C5: variants seen among roughly 807,000 people sequenced by gnomAD.
The protein encoded by C5 is complement C5.
A neutral mutation model predicts 218.8 loss-of-function variants in C5; 140 were observed. That is an observed-to-expected ratio of 0.64 (90% CI 0.56 to 0.74). The LOEUF is 0.74. C5 is among the 30% of genes least tolerant of loss of function. C5 has a pLI of 0.00. For synonymous variants in C5, 614 were observed against 682.3 expected (o/e 0.90, Z 1.56); for missense variants, 1,700 against 1,969.6 (o/e 0.86, Z 2.59).
intron 19 of C5, 51 bp downstream of exon 19, chr9:121,006,853 C>T (rs2047219777): frequency 2.5e-6 from 3 of 1,198,494 alleles, no homozygotes; most frequent in Non-Finnish European, 3.7e-6. Context: ...AGAATTACAT[C>T]TTGCTAATCA....
At chr9:121,055,180 G>A (rs180774713), upstream of C5, among the ~76,000 whole-genome samples, 169 of 151,630 alleles carry the variant, frequency 1.1e-3, 7 homozygotes, top group Non-Finnish European at 4.1e-4. Context: ...CTTTTCTCCT[G>A]GAAATGTATA....
intron 40 of C5, 56 bp from the exon 41 acceptor site, chr9:120,952,924 A>G (rs1179907456): frequency 1.3e-6 from 2 of 1,595,168 alleles, no homozygotes; most frequent in Admixed American, 3.4e-5. Flanking sequence ...GCTGAATTTG[A>G]TTTCTTTATT....
chr9:120,957,322 G>A lies in C5; in HGVS notation c.4725C>T (p.Val1575=), dbSNP rs780091609. The change falls in exon 39 of 41, where the codon GTC becomes GTT. Residue 1575 remains valine (V), a synonymous_variant. Coordinates refer to ENST00000223642, the MANE Select transcript of C5 (RefSeq NM_001735.3). ...ITSITVENVF[V]KYKATLLDIY... is the part of the protein sequence containing the mutation. ...TATCCAGAAGGGTTGCCTTGTACTT[G>A]ACAAAAACATTTTCTACAGTGATGG... 1.9e-6 allele frequency: 3 copies of A among 1,612,952 alleles called. No individual in the cohort carries two copies. The highest frequency in any genetic ancestry group is 2.5e-6 in the Non-Finnish European group (3 of 1,179,270).
upstream of C5, among the ~76,000 whole-genome samples, chr9:121,054,818 C>A (rs1027702471): frequency 6.6e-6 from 1 of 151,916 alleles, no homozygotes; most frequent in Non-Finnish European, 1.5e-5. Context: ...TGCAACCAGG[C>A]CTTCCCTTTC....
At chr9:121,059,091 A>T in the C5 span, among the ~76,000 whole-genome samples, 7 of 152,218 alleles carry the variant, frequency 4.6e-5, no homozygotes, top group African/African-American at 1.7e-4. This position sits in a 1 kb window ranked among gnomAD's most constrained non-coding sequence, Gnocchi z 4.1. Context: ...TTGAAGATTG[A>T]ATGGTAACTG....
At chr9:121,024,337 G>A (rs1587986865) in intron 9 of C5, among the ~76,000 whole-genome samples, 1 of 15,886 alleles carries the variant, frequency 6.3e-5, no homozygotes, top group Non-Finnish European at 1.2e-4. Flanking sequence ...GGGAGGGGAG[G>A]GGGAGGGGAG....
chr9:120,980,584 A>T (rs987047945), intron 27 of C5, among the ~76,000 whole-genome samples: 2 of 151,976 alleles, frequency 1.3e-5, no homozygotes, highest in Non-Finnish European at 2.9e-5. Flanking sequence ...GCATAGACAC[A>T]ATTTCTTTTT....
chr9:121,065,589 G>A, the C5 span, among the ~76,000 whole-genome samples: 20 of 152,218 alleles, frequency 1.3e-4, no homozygotes, highest in African/African-American at 2.6e-4. Flanking sequence ...TCGCTCAAGC[G>A]ATTCTCCCAA....
intron 30 of C5, 129 bp downstream of exon 30, chr9:120,974,650 T>C: frequency 1.1e-6 from 1 of 901,788 alleles, no homozygotes; most frequent in Non-Finnish European, 1.8e-6. Context: ...GGCATCCCTG[T>C]TTAGGACATA....
chr9:120,954,438 G>A (rs1052116605), intron 39 of C5, among the ~76,000 whole-genome samples: 1 of 152,186 alleles, frequency 6.6e-6, no homozygotes, highest in Non-Finnish European at 1.5e-5. Flanking sequence ...CCCCTACCTG[G>A]AATGCATTCC....
chr9:121,025,687 G>T (rs1223297971), intron 8 of C5, 107 bp from the exon 9 acceptor site: 1 of 1,093,646 alleles, frequency 9.1e-7, no homozygotes, highest in East Asian at 2.4e-5. Context: ...AATGTCAGAA[G>T]AATGGTTTAG....
At chr9:120,985,356 A>G (rs192679372) in intron 25 of C5, among the ~76,000 whole-genome samples, 2 of 152,316 alleles carry the variant, frequency 1.3e-5, no homozygotes, top group Admixed American at 1.3e-4. Flanking sequence ...TTTAGAGTAG[A>G]AAAGAATTTT....
intron 4 of C5, among the ~76,000 whole-genome samples, chr9:121,036,920 T>C (rs886884899): frequency 6.6e-6 from 1 of 152,230 alleles, no homozygotes; most frequent in Middle Eastern, 3.4e-3. Flanking sequence ...CTGCAGCCTA[T>C]ATTGAAGGAC....
chr9:121,068,160 G>T, the C5 span, among the ~76,000 whole-genome samples: 3 of 151,980 alleles, frequency 2.0e-5, no homozygotes, highest in Non-Finnish European at 2.9e-5. Context: ...AGAAATAAAA[G>T]ACATCAAAAA....
the C5 span, among the ~76,000 whole-genome samples, chr9:121,066,571 G>A: frequency 1.3e-5 from 2 of 151,998 alleles, no homozygotes; most frequent in Admixed American, 6.6e-5. Flanking sequence ...TGGGCCAGTT[G>A]TGGTGGGTCA....
chr9:121,025,627 TA>T, intron 8 of C5, 47 bp from the exon 9 acceptor site: 3 of 1,577,852 alleles, frequency 1.9e-6, no homozygotes, highest in East Asian at 4.5e-5. Flanking sequence ...GAAGAACTTA[TA>T]AGGAAAAATT....
Position 121,023,537 on chromosome 9 carries a change from AT to A in C5, c.1001-19del. 1 of 1,429,910 alleles carries A rather than the reference AT, an allele frequency of 7.0e-7. No individual in the cohort carries two copies. Among genetic ancestry groups the A allele is most frequent in the Non-Finnish European group, 9.9e-7 (1 of 1,011,868 alleles). 88.6% of individuals were successfully genotyped at this position (1,429,910 alleles called of 1,614,324 possible). On this transcript the variant is annotated intron_variant, in intron 9 of 40. Coordinates refer to ENST00000223642, the MANE Select transcript of C5 (RefSeq NM_001735.3). ...AAATCCACCTAAGGAAATGGCAAGCATCATGTTGACAGTTTTTAGGAGTATC... is the reference window on the plus strand; with the variant it reads ...AAATCCACCTAAGGAAATGGCAAGCACATGTTGACAGTTTTTAGGAGTATC...
At chr9:121,069,168 G>C in the C5 span, among the ~76,000 whole-genome samples, 1 of 152,068 alleles carries the variant, frequency 6.6e-6, no homozygotes, top group African/African-American at 2.4e-5. Flanking sequence ...CAAACTAAAA[G>C]GCTTCTGCAC....
In C5 at chr9:121,027,240, C is replaced by T. The variant is rs148539497; in HGVS notation, c.793G>A (p.Val265Ile). The change falls in exon 8 of 41, where the codon GTT becomes ATT. Residue 265 changes from valine (V) to isoleucine (I), a missense_variant. Coordinates refer to ENST00000223642, the MANE Select transcript of C5 (RefSeq NM_001735.3). The stretch of plus-strand genomic sequence containing the variant: ...TCTCTTATTCCAAATGTGATATAAA[C>T]GTCAGCCTCAGTGACTACTTTATTA... ...FYNKVVTEAD[V>I]YITFGIREDL... The T allele has an allele frequency of 3.0e-5, 48 of 1,594,762 alleles. No individual in the cohort carries two copies. The highest frequency in any genetic ancestry group is 1.8e-4 in the East Asian group (8 of 44,802).
Sources: allele counts gnomAD v4.1 joint callset (sites outside exome capture counted in the v4.1 genomes callset), GRCh38; gene constraint gnomAD v4.1.1; non-coding constraint Gnocchi (gnomAD v3.1); transcripts MANE v1.5; gene names NCBI Gene and HGNC (gene_info 2026-07-23, HGNC 2026-07-21).